REDIC1: variants seen among roughly 807,000 people sequenced by gnomAD.
REDIC1 encodes the protein regulator of DNA class I crossover intermediates 1.
the REDIC1 span, among the ~76,000 whole-genome samples, chr12:39,880,803 T>C: frequency 6.6e-6 from 1 of 152,210 alleles, no homozygotes; most frequent in African/African-American, 2.4e-5. Flanking sequence ...ATTACTTGTC[T>C]CACCTCGCTC....
the REDIC1 span, among the ~76,000 whole-genome samples, chr12:39,775,421 G>C: frequency 4.4e-4 from 67 of 152,324 alleles, no homozygotes; most frequent in Admixed American, 7.2e-4. Flanking sequence ...AGTTCCTCCT[G>C]TATTCCTGAA....
chr12:39,734,343 G>C, the REDIC1 span, among the ~76,000 whole-genome samples: 2 of 152,140 alleles, frequency 1.3e-5, no homozygotes, highest in Non-Finnish European at 1.5e-5. Context: ...GTCCGGAGCT[G>C]TTCCTATTCA....
the REDIC1 span, among the ~76,000 whole-genome samples, chr12:39,822,070 TC>T: frequency 5.8e-5 from 3 of 51,394 alleles, no homozygotes; most frequent in African/African-American, 2.4e-4. Flanking sequence ...CCCTCCCCCC[TC>T]CCCCCACCCC....
the REDIC1 span, among the ~76,000 whole-genome samples, chr12:39,713,322 GTA>G: frequency 8.6e-5 from 12 of 140,186 alleles, no homozygotes; most frequent in Middle Eastern, 3.8e-3. Flanking sequence ...GTATATATGT[GTA>G]TACACATATA....
chr12:39,712,397 T>TATACACATACGTATATACATAC, the REDIC1 span, among the ~76,000 whole-genome samples: 1 of 134,034 alleles, frequency 7.5e-6, no homozygotes, highest in African/African-American at 2.7e-5. Context: ...TATACCTGTA[T>TATACACATACGTATATACATAC]GTATATATAC....
the REDIC1 span, among the ~76,000 whole-genome samples, chr12:39,640,420 T>C: frequency 7.8e-4 from 119 of 152,046 alleles, no homozygotes; most frequent in Middle Eastern, 3.4e-3. Flanking sequence ...TTATAGTATT[T>C]TGTTATAGCA....
the REDIC1 span, among the ~76,000 whole-genome samples, chr12:39,632,733 T>G: frequency 1.4e-4 from 22 of 152,178 alleles, no homozygotes; most frequent in Admixed American, 7.2e-4. Context: ...CTTTTGCTTC[T>G]AAGCTACAAA....
At chr12:39,712,049 T>C in the REDIC1 span, among the ~76,000 whole-genome samples, 2 of 142,716 alleles carry the variant, frequency 1.4e-5, no homozygotes, top group South Asian at 2.2e-4. Context: ...TACCTACCTG[T>C]ATGTATATAT....
the REDIC1 span, chr12:39,835,807 T>C: frequency 1.5e-4 from 23 of 152,132 alleles, no homozygotes; most frequent in African/African-American, 5.5e-4. Flanking sequence ...TATGCTAGTT[T>C]GTACTTGGTT....
At chr12:39,893,991 A>G in the REDIC1 span, among the ~76,000 whole-genome samples, 4 of 152,230 alleles carry the variant, frequency 2.6e-5, no homozygotes, top group Non-Finnish European at 2.9e-5. Flanking sequence ...GAGATGTACA[A>G]TATGTCAAAA....
the REDIC1 span, among the ~76,000 whole-genome samples, chr12:39,855,218 T>C: frequency 6.6e-6 from 1 of 152,232 alleles, no homozygotes; most frequent in African/African-American, 2.4e-5. Flanking sequence ...TACTATTTAA[T>C]AACTTTATTT....
chr12:39,701,411 A>C, the REDIC1 span, among the ~76,000 whole-genome samples: 1 of 152,346 alleles, frequency 6.6e-6, no homozygotes, highest in African/African-American at 2.4e-5. Flanking sequence ...TATGCACCCA[A>C]TACAGGAGCA....
chr12:39,751,057 C>G, the REDIC1 span, among the ~76,000 whole-genome samples: 1 of 151,818 alleles, frequency 6.6e-6, no homozygotes, highest in African/African-American at 2.4e-5. Context: ...CCAAAATTGA[C>G]AAATGGGATC....
At chr12:39,741,475 T>C in the REDIC1 span, among the ~76,000 whole-genome samples, 1 of 152,184 alleles carries the variant, frequency 6.6e-6, no homozygotes, top group South Asian at 2.1e-4. Flanking sequence ...ATGCAGTTCA[T>C]TTCACAAGGC....
the REDIC1 span, among the ~76,000 whole-genome samples, chr12:39,853,555 T>C: frequency 2.0e-5 from 3 of 152,166 alleles, no homozygotes; most frequent in Non-Finnish European, 2.9e-5. Context: ...TTTTCTTTCT[T>C]TCTTTCTCTT....
chr12:39,732,788 A>G, the REDIC1 span, among the ~76,000 whole-genome samples: 1 of 152,196 alleles, frequency 6.6e-6, no homozygotes, highest in African/African-American at 2.4e-5. Flanking sequence ...TTGAAACTCA[A>G]AATGCCCATA....
At chr12:39,900,944 C>T in the REDIC1 span, among the ~76,000 whole-genome samples, 1 of 152,126 alleles carries the variant, frequency 6.6e-6, no homozygotes, top group Non-Finnish European at 1.5e-5. Flanking sequence ...AACTATACCA[C>T]AAGGCAACAG....
chr12:39,713,965 G>A, the REDIC1 span, among the ~76,000 whole-genome samples: 5 of 147,222 alleles, frequency 3.4e-5, no homozygotes, highest in South Asian at 2.1e-4. Context: ...GTATATACAG[G>A]TATGTGCATA....
At chr12:39,721,257 T>C in the REDIC1 span, 10 of 1,603,830 alleles carry the variant, frequency 6.2e-6, no homozygotes, top group Non-Finnish European at 8.5e-6. Flanking sequence ...ACTAATATTC[T>C]AAAATCTCTA....
Sources: allele counts gnomAD v4.1 joint callset (sites outside exome capture counted in the v4.1 genomes callset), GRCh38; gene constraint gnomAD v4.1.1; transcripts MANE v1.5; gene names NCBI Gene and HGNC (gene_info 2026-07-23, HGNC 2026-07-21).